Variants in RPS6KC1 observed in about 807,000 individuals in gnomAD.
RPS6KC1 encodes inactive ribosomal protein S6 kinase delta-1.
A neutral mutation model predicts 103.8 loss-of-function variants in RPS6KC1; 54 were observed. The ratio of observed to expected loss-of-function variants is 0.52; its 90% CI spans 0.42 to 0.65. RPS6KC1 has a LOEUF of 0.65. RPS6KC1 is among the 30% of genes least tolerant of loss of function. The pLI is 0.00. For missense variants in RPS6KC1, 1,151 were observed against 1,253.8 expected, an observed-to-expected ratio of 0.92 and a Z score of 1.24; for synonymous variants, 439 against 438.7, an observed-to-expected ratio of 1.00 and a Z score of -0.01.
At chr1:213,589,938 G>GGGGTGTGTGTGTGTGT in the RPS6KC1 span, among the ~76,000 whole-genome samples, 9 of 132,732 alleles carry the variant, frequency 6.8e-5, no homozygotes, top group African/African-American at 2.8e-4. Context: ...AAAAGGTAGT[G>GGGGTGTGTGTGTGTGT]GTGTGTGTGT....
At chr1:213,734,738 A>G in the RPS6KC1 span, among the ~76,000 whole-genome samples, 1 of 152,252 alleles carries the variant, frequency 6.6e-6, no homozygotes. Flanking sequence ...GACAGAGAGT[A>G]TCAATACATC....
chr1:213,145,074 TA>T (rs201224161), intron 6 of RPS6KC1, among the ~76,000 whole-genome samples: 11 of 151,180 alleles, frequency 7.3e-5, no homozygotes, highest in Admixed American at 2.0e-4. Context: ...GACTCCCATC[TA>T]AAAAAAAAGA....
chr1:213,631,073 G>C, the RPS6KC1 span, among the ~76,000 whole-genome samples: 5 of 152,148 alleles, frequency 3.3e-5, no homozygotes, highest in African/African-American at 1.2e-4. Flanking sequence ...CGCAATATTA[G>C]GGTGGGAGTG....
chr1:213,226,053 C>T (rs1331842991), intron 8 of RPS6KC1, among the ~76,000 whole-genome samples: 3 of 151,878 alleles, frequency 2.0e-5, no homozygotes, highest in African/African-American at 7.3e-5. Flanking sequence ...GAAACCCTGT[C>T]TCTACTAAAA....
At chr1:213,607,203 G>A in the RPS6KC1 span, among the ~76,000 whole-genome samples, 1 of 152,236 alleles carries the variant, frequency 6.6e-6, no homozygotes. Flanking sequence ...CATATTAGGT[G>A]CTGAACTGGC....
At chr1:213,477,509 T>C in the RPS6KC1 span, among the ~76,000 whole-genome samples, 3 of 152,220 alleles carry the variant, frequency 2.0e-5, no homozygotes, top group Non-Finnish European at 4.4e-5. Context: ...GATCCTATCT[T>C]TGTGAATTGT....
chr1:213,378,036 C>T, the RPS6KC1 span, among the ~76,000 whole-genome samples: 1 of 152,152 alleles, frequency 6.6e-6, no homozygotes, highest in African/African-American at 2.4e-5. Context: ...AGACCTATTT[C>T]CCCAGCTCCT....
chr1:213,118,372 G>A (rs777984145), intron 5 of RPS6KC1, among the ~76,000 whole-genome samples: 12 of 151,930 alleles, frequency 7.9e-5, no homozygotes, highest in African/African-American at 1.9e-4. Context: ...TAGATAATTA[G>A]ATTTGTTTTA....
At chr1:213,064,368 CT>C (rs558717936) in intron 1 of RPS6KC1, among the ~76,000 whole-genome samples, 270 of 120,610 alleles carry the variant, frequency 2.2e-3, no homozygotes, top group Admixed American at 3.2e-3. Context: ...AATTTGTGAA[CT>C]TTTTTTTTTT....
At chr1:213,135,882 G>A (rs2086215482) in intron 6 of RPS6KC1, among the ~76,000 whole-genome samples, 1 of 152,166 alleles carries the variant, frequency 6.6e-6, no homozygotes, top group African/African-American at 2.4e-5. Context: ...CAAATGAAAA[G>A]AGAGTTGCTT....
chr1:213,069,491 G>A (rs2078673517), intron 1 of RPS6KC1, among the ~76,000 whole-genome samples: 1 of 152,122 alleles, frequency 6.6e-6, no homozygotes, highest in South Asian at 2.1e-4. Flanking sequence ...CCTGTAAGAG[G>A]AACTGTAATT....
At chr1:213,654,963 TCTAA>T in the RPS6KC1 span, among the ~76,000 whole-genome samples, 1 of 152,254 alleles carries the variant, frequency 6.6e-6, no homozygotes, top group Non-Finnish European at 1.5e-5. Context: ...GGGCAAAATC[TCTAA>T]CTAACTGCCC....
the RPS6KC1 span, among the ~76,000 whole-genome samples, chr1:213,457,971 G>A: frequency 6.6e-6 from 1 of 152,214 alleles, no homozygotes. Flanking sequence ...AGCAGTAAGT[G>A]TACTTCCAAA....
chr1:213,524,389 C>T, the RPS6KC1 span, among the ~76,000 whole-genome samples: 2 of 152,056 alleles, frequency 1.3e-5, no homozygotes, highest in East Asian at 1.9e-4. Flanking sequence ...CCCACTCCCC[C>T]GAGAAGGAGC....
chr1:213,625,289 T>C, the RPS6KC1 span, among the ~76,000 whole-genome samples: 20 of 152,260 alleles, frequency 1.3e-4, no homozygotes, highest in African/African-American at 4.8e-4. Context: ...TCCTGATTTA[T>C]TGTATGTCTT....
At chr1:213,762,108 T>G in the RPS6KC1 span, among the ~76,000 whole-genome samples, 1 of 149,854 alleles carries the variant, frequency 6.7e-6, no homozygotes, top group East Asian at 2.0e-4. Context: ...GAAGGAAGGA[T>G]GACGAAAACC....
the RPS6KC1 span, among the ~76,000 whole-genome samples, chr1:213,839,261 T>A: frequency 2.6e-5 from 4 of 152,200 alleles, no homozygotes; most frequent in East Asian, 3.9e-4. Context: ...GAGAAGGAGA[T>A]GCACAGAGGT....
At chr1:213,155,046 T>C (rs2089708977) in intron 6 of RPS6KC1, among the ~76,000 whole-genome samples, 1 of 152,168 alleles carries the variant, frequency 6.6e-6, no homozygotes, top group East Asian at 1.9e-4. Flanking sequence ...TATAGAAATG[T>C]CTGGGAACTA....
chr1:213,491,423 CTG>C, the RPS6KC1 span, among the ~76,000 whole-genome samples: 1 of 152,166 alleles, frequency 6.6e-6, no homozygotes, highest in Non-Finnish European at 1.5e-5. Context: ...TAGTGTATAC[CTG>C]TGATCCCAGC....
Sources: gnomAD v4.1 joint callset for allele counts (sites outside exome capture counted in the v4.1 genomes callset) on GRCh38, gnomAD v4.1.1 for gene constraint, MANE v1.5 for transcripts, NCBI Gene and HGNC (gene_info 2026-07-23, HGNC 2026-07-21) for gene names.